The following NRXN3 variants were observed in gnomAD, a reference collection of about 807,000 sequenced individuals.
The protein encoded by NRXN3 is neurexin III.
In NRXN3, 32 loss-of-function variants were observed where a neutral mutation model predicts 137.6. That is an observed-to-expected ratio of 0.23 (90% CI 0.18 to 0.31). The LOEUF is 0.31. Ranked by LOEUF, NRXN3 falls within the 10% of genes least tolerant of loss-of-function variation. The probability of loss-of-function intolerance (pLI) is 1.00; values close to 1 mark genes in which losing one functional copy is unlikely to be tolerated. For synonymous variants in NRXN3, 798 were observed against 784.5 expected, an observed-to-expected ratio of 1.02 and a Z score of -0.29; for missense variants, 1,574 against 2,062.5, an observed-to-expected ratio of 0.76 and a Z score of 4.59.
chr14:78,797,824 A>G (rs1183602423), intron 8 of NRXN3, among the ~76,000 whole-genome samples: 2 of 152,192 alleles, frequency 1.3e-5, no homozygotes, highest in Non-Finnish European at 2.9e-5. Context: ...ATGGTGGCAG[A>G]CAAGAGAGAA....
intron 10 of NRXN3, among the ~76,000 whole-genome samples, chr14:78,891,539 A>G (rs1209285194): frequency 6.6e-6 from 1 of 151,922 alleles, no homozygotes; most frequent in Non-Finnish European, 1.5e-5. Flanking sequence ...CCCTGTCTTG[A>G]AGCTGAGGCA....
intron 20 of NRXN3, among the ~76,000 whole-genome samples, chr14:79,845,607 A>G (rs568537368): frequency 8.4e-5 from 12 of 142,118 alleles, no homozygotes; most frequent in African/African-American, 1.8e-4. Context: ...AGAGAGACAG[A>G]GAGAGAGACG....
intron 10 of NRXN3, among the ~76,000 whole-genome samples, chr14:78,910,960 A>G (rs553795968): frequency 5.5e-4 from 84 of 152,276 alleles, no homozygotes; most frequent in African/African-American, 2.0e-3. Context: ...CTAAATCCAG[A>G]ACCTGAATTT....
At chr14:79,623,886 T>C (rs545095285) in intron 16 of NRXN3, among the ~76,000 whole-genome samples, 4 of 139,090 alleles carry the variant, frequency 2.9e-5, no homozygotes, top group African/African-American at 8.9e-5. Context: ...TGTTAAATTG[T>C]AGAATATTAG....
chr14:79,622,583 T>G (rs1010052350), intron 16 of NRXN3, among the ~76,000 whole-genome samples: 11 of 152,070 alleles, frequency 7.2e-5, no homozygotes, highest in Admixed American at 5.9e-4. Flanking sequence ...TTATTTAGTT[T>G]ATTTAGTTTA....
At chr14:79,382,181 T>TAGC (rs2094489987) in intron 15 of NRXN3, among the ~76,000 whole-genome samples, 1 of 152,194 alleles carries the variant, frequency 6.6e-6, no homozygotes, top group South Asian at 2.1e-4. Flanking sequence ...CCCTGGCATA[T>TAGC]AGCAGTCAAT....
intron 15 of NRXN3, among the ~76,000 whole-genome samples, chr14:79,426,646 T>C (rs537096155): frequency 6.6e-6 from 1 of 152,320 alleles, no homozygotes; most frequent in East Asian, 1.9e-4. Flanking sequence ...TGAATGGAAA[T>C]GGCCTTGTGT....
At chr14:79,416,418 C>T (rs557463464) in intron 15 of NRXN3, among the ~76,000 whole-genome samples, 14 of 152,184 alleles carry the variant, frequency 9.2e-5, no homozygotes, top group African/African-American at 3.4e-4. Flanking sequence ...AAACAGAAAG[C>T]TATCTCATAG....
chr14:79,547,421 GAATA>G (rs1222580668), intron 16 of NRXN3, among the ~76,000 whole-genome samples: 2 of 152,108 alleles, frequency 1.3e-5, no homozygotes, highest in African/African-American at 2.4e-5. Context: ...GCTGAAAACT[GAATA>G]AATATTGAAG....
intron 16 of NRXN3, among the ~76,000 whole-genome samples, chr14:79,567,747 T>C (rs2097563609): frequency 6.6e-6 from 1 of 152,098 alleles, no homozygotes; most frequent in African/African-American, 2.4e-5. Flanking sequence ...CCTGTAAAAG[T>C]TTTAGATATT....
intron 16 of NRXN3, among the ~76,000 whole-genome samples, chr14:79,638,843 A>G (rs983883104): frequency 2.0e-5 from 3 of 152,254 alleles, no homozygotes; most frequent in Non-Finnish European, 4.4e-5. Context: ...TACCCATGCC[A>G]TCATGGCAAA....
chr14:78,761,516 T>C (rs891665170), intron 8 of NRXN3, among the ~76,000 whole-genome samples: 3 of 152,136 alleles, frequency 2.0e-5, no homozygotes, highest in Admixed American at 6.5e-5. Flanking sequence ...ACATTTTCAT[T>C]CATAATGCTT....
intron 16 of NRXN3, among the ~76,000 whole-genome samples, chr14:79,474,811 A>G (rs537943649): frequency 7.2e-5 from 11 of 152,092 alleles, no homozygotes; most frequent in Non-Finnish European, 1.5e-4. Flanking sequence ...GGGAAAGAAG[A>G]GAAGAAGGAA....
chr14:78,912,689 T>C (rs2099242391), intron 10 of NRXN3, among the ~76,000 whole-genome samples: 1 of 152,152 alleles, frequency 6.6e-6, no homozygotes, highest in Admixed American at 6.5e-5. Context: ...ATAGCTTACC[T>C]GGGATTTTGA....
chr14:78,713,187 T>C (rs2152843556), intron 7 of NRXN3, among the ~76,000 whole-genome samples: 1 of 152,310 alleles, frequency 6.6e-6, no homozygotes, highest in Non-Finnish European at 1.5e-5. Flanking sequence ...GCTCTCAAGG[T>C]CCCAGGTTAG....
At chr14:78,605,245 G>A (rs191315989) in intron 4 of NRXN3, among the ~76,000 whole-genome samples, 1 of 152,232 alleles carries the variant, frequency 6.6e-6, no homozygotes, top group Admixed American at 6.5e-5. Context: ...TGATGTCACA[G>A]TTTTCACTCT....
intron 1 of NRXN3, among the ~76,000 whole-genome samples, chr14:78,232,446 A>ATT (rs11385315): frequency 4.5e-4 from 68 of 151,778 alleles, no homozygotes; most frequent in African/African-American, 1.3e-3. Context: ...CATGTGTTTG[A>ATT]TTTTTTTCCC....
At chr14:79,244,341 CAGA>C (rs1284580919) in intron 15 of NRXN3, among the ~76,000 whole-genome samples, 2 of 152,156 alleles carry the variant, frequency 1.3e-5, no homozygotes, top group African/African-American at 4.8e-5. Flanking sequence ...TTGTGCTTTT[CAGA>C]AGATGAGCAT....
intron 8 of NRXN3, among the ~76,000 whole-genome samples, chr14:78,738,433 G>T (rs912976325): frequency 6.6e-6 from 1 of 152,156 alleles, no homozygotes. Context: ...TGATATGAAA[G>T]CTTTACCCTC....
Sources: gnomAD v4.1 joint callset for allele counts (sites outside exome capture counted in the v4.1 genomes callset) on GRCh38, gnomAD v4.1.1 for gene constraint, MANE v1.5 for transcripts, NCBI Gene and HGNC (gene_info 2026-07-23, HGNC 2026-07-21) for gene names.